Variants in MAP1B observed in about 807,000 individuals in gnomAD.
MAP1B encodes the protein microtubule-associated protein 1B.
MAP1B carries 12 observed loss-of-function variants against 176.1 expected under a neutral mutation model. The observed-to-expected ratio is 0.07, with a 90% confidence interval of 0.04 to 0.11. The LOEUF (loss-of-function observed/expected upper bound fraction) is 0.11. Ranked by LOEUF, MAP1B falls within the 10% of genes least tolerant of loss-of-function variation. MAP1B has a pLI of 1.00. For synonymous variants in MAP1B, 1,044 were observed against 1,135.0 expected, an observed-to-expected ratio of 0.92 and a Z score of 1.61; for missense variants, 2,523 against 2,990.5, an observed-to-expected ratio of 0.84 and a Z score of 3.65.
rs774831952 is a variant in MAP1B, at chr5:72,194,931, C to A, written c.1576C>A (p.Pro526Thr). Residue 526 changes from proline (P) to threonine (T), a missense_variant, in exon 5 of 7, where the codon CCC (proline) becomes ACC (threonine). By Grantham distance (38) the Pro-to-Thr change is conservative. Coordinates refer to ENST00000296755, the MANE Select transcript of MAP1B (RefSeq NM_005909.5). This position sits in a 1 kb window ranked among gnomAD's most constrained non-coding sequence, Gnocchi z 7.2. ...CCAAAAGGATCTCACTGGCCAGGTG[C>A]CCACTCCTGTGGTGAAACAAACAAA... ...ATQKDLTGQV[P>T]TPVVKQTKLK... 3 of 1,614,026 alleles carry A rather than the reference C, an allele frequency of 1.9e-6. No individual in the cohort carries two copies. Among genetic ancestry groups the A allele is most frequent in the Non-Finnish European group, 2.5e-6 (3 of 1,180,042 alleles).
In MAP1B at chr5:72,204,092, C is replaced by T. The variant is rs753582304; in HGVS notation, c.7251+291C>T. Among the ~76,000 whole-genome samples the T allele has an allele frequency of 2.0e-5, 3 of 152,176 alleles. No homozygotes were observed. The highest frequency in any genetic ancestry group is 4.4e-5 in the Non-Finnish European group (3 of 68,032). On this transcript the variant is annotated intron_variant, in intron 6 of 6. Coordinates refer to ENST00000296755, the MANE Select transcript of MAP1B (RefSeq NM_005909.5). This position sits in a 1 kb window ranked among gnomAD's most constrained non-coding sequence, Gnocchi z 4.4. ...ATGGGCCTAAGATTAATTGCCCTTC[C>T]TCCAGTATGCCAAGAGTCTTGTGTG...
rs534198938 is a variant in MAP1B, at chr5:72,107,633, C to T, written c.102C>T (p.Asp34=). 1.7e-4 allele frequency: 274 copies of T among 1,600,504 alleles called. 2 individuals carry two copies. Among genetic ancestry groups the T allele is most frequent in the South Asian group, 1.3e-3 (117 of 90,990 alleles). ...CTAGCCTGTCGCACCGCTTCCTTGA[C>T]AGCAAGTTCTACTTGCTGGTGGTCG... ...TSPSLSHRFL[D]SKFYLLVVVG... The change falls in exon 1 of 7, where the codon GAC becomes GAT. Residue 34 remains aspartate (D), a synonymous_variant. Coordinates refer to ENST00000296755, the MANE Select transcript of MAP1B (RefSeq NM_005909.5).
Position 72,196,130 on chromosome 5 carries a change from A to G in MAP1B, c.2775A>G (p.Lys925=). 6.2e-7 allele frequency: 1 copy of G among 1,613,694 alleles called. No homozygotes were observed. The stretch of plus-strand genomic sequence containing the variant: ...AGCAGGGAGTAGACGACATTGAAAA[A>G]TTTGAAGATGAAGGAGCCGGTTTTG... ...VEKQGVDDIE[K]FEDEGAGFEE... The change falls in exon 5 of 7, where the codon AAA becomes AAG. Residue 925 remains lysine (K), a synonymous_variant. Transcript: ENST00000296755. The surrounding 1 kb of genome is among the most constrained non-coding windows in gnomAD (Gnocchi z 5.3).
intron 2 of MAP1B, among the ~76,000 whole-genome samples, chr5:72,131,635 C>G (rs1485563943): frequency 6.6e-6 from 1 of 152,170 alleles, no homozygotes; most frequent in Non-Finnish European, 1.5e-5. Flanking sequence ...TGCAAAAATT[C>G]TAATGATAAA....
chr5:72,199,204 C>G lies in MAP1B; in HGVS notation c.5849C>G (p.Pro1950Arg). The G allele has an allele frequency of 1.2e-6, 2 of 1,614,146 alleles. No homozygotes were observed. The highest frequency in any genetic ancestry group is 1.7e-6 in the Non-Finnish European group (2 of 1,179,996). The change falls in exon 5 of 7, where the codon CCT becomes CGT. Residue 1950 changes from proline (P) to arginine (R), a missense_variant. Coordinates refer to ENST00000296755, the MANE Select transcript of MAP1B (RefSeq NM_005909.5). The surrounding 1 kb of genome is among the most constrained non-coding windows in gnomAD (Gnocchi z 4.2). ...ATTATTGAGAAGACCACACGGACCC[C>G]TGAAGAGGGTGGGTACTCATATGAC... The part of the protein sequence containing the change: ...YEIIEKTTRT[P>R]EEGGYSYDIS...
chr5:72,112,545 T>C (rs1745362365), intron 1 of MAP1B, among the ~76,000 whole-genome samples: 1 of 152,146 alleles, frequency 6.6e-6, no homozygotes, highest in Admixed American at 6.5e-5. Context: ...CATCTGTGTA[T>C]ATCATGTGCA....
At chr5:72,167,424 G>A (rs752934084) in intron 2 of MAP1B, among the ~76,000 whole-genome samples, 2 of 152,158 alleles carry the variant, frequency 1.3e-5, no homozygotes, top group Non-Finnish European at 2.9e-5. Flanking sequence ...CTCTACTACT[G>A]TTCTGAACAA....
rs772974493 is a variant in MAP1B at position 72,199,650 on chromosome 5, C to T, written c.6295C>T (p.Pro2099Ser). 2 of 1,614,192 alleles carry T rather than the reference C, an allele frequency of 1.2e-6. No individual in the cohort carries two copies. Among genetic ancestry groups the T allele is most frequent in the Non-Finnish European group, 1.7e-6 (2 of 1,180,036 alleles). ...EYKHPKTELS[P>S]SFINPNPLEW... ...CAAGCACCCCAAGACAGAGCTTTCA[C>T]CCTCTTTCATTAATCCCAATCCTCT... The change falls in exon 5 of 7, where the codon CCC (proline) becomes TCC (serine). Residue 2099 changes from proline to serine, a missense_variant. This residue lies in a region of MAP1B where 1,925 missense variants were observed against 2,126.0 expected (regional missense o/e 0.91). Coordinates refer to ENST00000296755, the MANE Select transcript of MAP1B (RefSeq NM_005909.5). This position sits in a 1 kb window ranked among gnomAD's most constrained non-coding sequence, Gnocchi z 4.2.
chr5:72,165,873 A>C (rs975884910), intron 2 of MAP1B, among the ~76,000 whole-genome samples: 8 of 152,212 alleles, frequency 5.3e-5, no homozygotes, highest in Non-Finnish European at 1.2e-4. Context: ...GCTGTGACAG[A>C]GCAAGCTACA....
intron 1 of MAP1B, among the ~76,000 whole-genome samples, chr5:72,111,606 A>C (rs1365939189): frequency 1.3e-5 from 2 of 152,176 alleles, no homozygotes; most frequent in Non-Finnish European, 2.9e-5. Context: ...GAGAGTCTTA[A>C]ATTTACTATA....
intron 2 of MAP1B, chr5:72,179,742 A>G: frequency 1.0e-6 from 1 of 985,452 alleles, no homozygotes; most frequent in Non-Finnish European, 1.2e-6. Context: ...CCCCTCCTTC[A>G]TTCAAATCCG....
At chr5:72,116,805 T>G (rs974350945) in intron 2 of MAP1B, among the ~76,000 whole-genome samples, 6 of 152,226 alleles carry the variant, frequency 3.9e-5, no homozygotes, top group Non-Finnish European at 8.8e-5. Flanking sequence ...CTAATTTTAT[T>G]GGCATTGATA....
intron 2 of MAP1B, among the ~76,000 whole-genome samples, chr5:72,156,844 G>A (rs867162483): frequency 7.9e-5 from 12 of 152,172 alleles, no homozygotes; most frequent in African/African-American, 2.7e-4. Context: ...GAGTATCAGA[G>A]CAGAAAAGAG....
At position 72,125,285 on chromosome 5, in the gene MAP1B, T is replaced by C. The variant is rs117579912; in HGVS notation, c.286+9486T>C. ...CAGCCCCACAAGATGCTCAAGTGCC[T>C]TGTAGTTAGTTTAGTATAATGTGCA... On this transcript the variant is annotated intron_variant, in intron 2 of 6. Coordinates refer to ENST00000296755, the MANE Select transcript of MAP1B (RefSeq NM_005909.5). 1.2e-3 allele frequency among the ~76,000 whole-genome samples: 184 copies of C among 152,306 alleles called. 3 individuals are homozygous for C. In the East Asian group the frequency reaches 0.032, roughly 26 times the overall value.
chr5:72,140,806 G>A (rs1232216075), intron 2 of MAP1B, among the ~76,000 whole-genome samples: 2 of 152,162 alleles, frequency 1.3e-5, no homozygotes, highest in Admixed American at 1.3e-4. Flanking sequence ...AAAAATAAAA[G>A]GGCCAAGATC....
chr5:72,197,803 C>A lies in MAP1B; in HGVS notation c.4448C>A (p.Ala1483Asp). Residue 1483 changes from alanine to aspartate, a missense_variant, in exon 5 of 7, where the codon GCC becomes GAC. Transcript: ENST00000296755. ...GQEKKTDDVEAMSSQPALALD... is the reference protein window; with the variant it reads ...GQEKKTDDVEDMSSQPALALD... ...GAAAAGAAAACTGATGATGTTGAAG[C>A]CATGAGTTCTCAACCAGCACTGGCT... is the stretch of plus-strand genomic sequence containing the variant. 6.2e-7 allele frequency: 1 copy of A among 1,614,170 alleles called. No individual in the cohort carries two copies. Among genetic ancestry groups the A allele is most frequent in the African/African-American group, 1.3e-5 (1 of 75,040 alleles).
intron 2 of MAP1B, among the ~76,000 whole-genome samples, chr5:72,177,818 T>G (rs1431685844): frequency 1.3e-5 from 2 of 152,210 alleles, no homozygotes; most frequent in African/African-American, 4.8e-5. Flanking sequence ...CAAGAGTGTT[T>G]TTTGCACGAG....
intron 2 of MAP1B, among the ~76,000 whole-genome samples, chr5:72,151,274 T>C (rs1337166482): frequency 6.6e-6 from 1 of 152,138 alleles, no homozygotes; most frequent in East Asian, 1.9e-4. Context: ...ACTCACTTCA[T>C]GAGAACAGCA....
intron 5 of MAP1B, among the ~76,000 whole-genome samples, chr5:72,203,247 A>G (rs921972080): frequency 6.6e-6 from 1 of 152,198 alleles, no homozygotes; most frequent in African/African-American, 2.4e-5. Flanking sequence ...GAGGAGTATT[A>G]TATCTAGTGC....
Sources: allele counts gnomAD v4.1 joint callset (sites outside exome capture counted in the v4.1 genomes callset), GRCh38; gene constraint gnomAD v4.1.1; regional missense constraint gnomAD v4.1.1; non-coding constraint Gnocchi (gnomAD v3.1); transcripts MANE v1.5; gene names NCBI Gene and HGNC (gene_info 2026-07-23, HGNC 2026-07-21).